Variants in SNORC observed in about 807,000 individuals in gnomAD.
SNORC encodes protein SNORC.
Under a neutral mutation model 9.7 loss-of-function variants are expected in SNORC, and 11 were observed. The ratio of observed to expected loss-of-function variants is 1.14; its 90% CI spans 0.72 to 1.88. SNORC has a LOEUF of 1.88. Ranked by LOEUF, SNORC falls within the 40% of genes most tolerant of loss-of-function variation. SNORC has a pLI of 0.00. For synonymous variants in SNORC, 108 were observed against 88.7 expected, an observed-to-expected ratio of 1.22 and a Z score of -1.22; for missense variants, 197 against 173.1, an observed-to-expected ratio of 1.14 and a Z score of -0.77.
chr2:232,876,475 CGAGCGCTCAGGGCGGGGGT>C, downstream of SNORC: 1 of 1,349,674 alleles, frequency 7.4e-7, no homozygotes, highest in African/African-American at 1.6e-5. This position sits in a 1 kb window ranked among gnomAD's most constrained non-coding sequence, Gnocchi z 6.8. Flanking sequence ...CGCGCGCAGG[CGAGCGCTCAGGGCGGGGGT>C]GCGCGCGGGG....
chr2:232,876,173 G>T lies in SNORC; in HGVS notation c.256+51G>T. 7.8e-7 allele frequency: 1 copy of T among 1,281,852 alleles called. No homozygotes were observed. Among genetic ancestry groups the T allele is most frequent in the Non-Finnish European group, 1.1e-6 (1 of 949,876 alleles). The allele number at this position is 1,281,852 out of a possible 1,614,324, so 79.4% of individuals were successfully genotyped here. On this transcript the variant is annotated intron_variant, in intron 2 of 2. Coordinates refer to ENST00000331342, the Ensembl canonical transcript of SNORC. This position sits in a 1 kb window ranked among gnomAD's most constrained non-coding sequence, Gnocchi z 6.8. ...GGAGAGGGAGAAATTAGGAGGGGCG[G>T]GGGGCGGGGGGCGCGGGGAGAAGGG...
upstream of SNORC, among the ~76,000 whole-genome samples, chr2:232,867,718 C>T (rs185117387): frequency 2.6e-3 from 400 of 152,324 alleles, 3 homozygotes; most frequent in African/African-American, 8.9e-3. Context: ...AGCCTGCCTC[C>T]CTCCCTATCA....
chr2:232,868,846 C>T (rs116747028), upstream of SNORC, among the ~76,000 whole-genome samples: 762 of 152,228 alleles, frequency 5.0e-3, 4 homozygotes, highest in Middle Eastern at 6.8e-3. Flanking sequence ...AGAATGTGGC[C>T]GGATCTAATG....
downstream of SNORC, chr2:232,876,664 C>A (rs1438757990): frequency 3.0e-6 from 3 of 1,010,252 alleles, no homozygotes; most frequent in South Asian, 1.4e-4. The surrounding 1 kb of genome is among the most constrained non-coding windows in gnomAD (Gnocchi z 6.8). Flanking sequence ...TCCCCGTGCA[C>A]CACGGCTGGA....
chr2:232,873,379 A>T (rs910414289), intron 1 of SNORC, among the ~76,000 whole-genome samples: 2 of 151,462 alleles, frequency 1.3e-5, no homozygotes, highest in African/African-American at 4.9e-5. Context: ...ACAGATGGGG[A>T]CAGGGCCTGA....
downstream of SNORC, chr2:232,876,460 G>A: frequency 1.5e-6 from 2 of 1,377,072 alleles, no homozygotes; most frequent in Non-Finnish European, 1.9e-6. The surrounding 1 kb of genome is among the most constrained non-coding windows in gnomAD (Gnocchi z 6.8). Context: ...GTGCCAGAGC[G>A]TGAGCGCGCG....
chr2:232,870,281 G>A, upstream of SNORC: 10 of 1,467,890 alleles, frequency 6.8e-6, no homozygotes, highest in Non-Finnish European at 7.4e-6. Context: ...TCACTGCCCT[G>A]AAGTTAACCA....
intron 1 of SNORC, 49 bp downstream of exon 1, chr2:232,870,463 G>A (rs1296375256): frequency 1.3e-6 from 2 of 1,509,098 alleles, no homozygotes; most frequent in South Asian, 2.4e-5. Flanking sequence ...TCCCAGGGCC[G>A]ATAACTACCT....
chr2:232,877,289 C>CTA (rs111230801), downstream of SNORC: 48 of 985,476 alleles, frequency 4.9e-5, 1 homozygote, highest in African/African-American at 7.0e-4. Context: ...ACTTCACCCT[C>CTA]AGAGAGTCGG....
At chr2:232,867,734 A>AT (rs1427761708), upstream of SNORC, among the ~76,000 whole-genome samples, 1 of 152,140 alleles carries the variant, frequency 6.6e-6, no homozygotes, top group Non-Finnish European at 1.5e-5. Flanking sequence ...TATCATCCAT[A>AT]TGTCACTTGA....
downstream of SNORC, chr2:232,877,360 A>G: frequency 1.0e-6 from 1 of 985,272 alleles, no homozygotes; most frequent in Non-Finnish European, 1.2e-6. Flanking sequence ...TTAGAGATGT[A>G]AACTTTGATC....
At chr2:232,870,202 G>T, upstream of SNORC, 3 of 750,524 alleles carry the variant, frequency 4.0e-6, no homozygotes, top group South Asian at 3.2e-5. Context: ...GGGAGGTGCG[G>T]GCACGATGTC....
chr2:232,869,456 C>T (rs1285339200), upstream of SNORC, among the ~76,000 whole-genome samples: 1 of 152,144 alleles, frequency 6.6e-6, no homozygotes, highest in East Asian at 1.9e-4. Context: ...AAAGAGACAC[C>T]TTTGATGACT....
chr2:232,876,741 G>A (rs1216741055), downstream of SNORC: 1 of 985,818 alleles, frequency 1.0e-6, no homozygotes, highest in Non-Finnish European at 1.2e-6. This position sits in a 1 kb window ranked among gnomAD's most constrained non-coding sequence, Gnocchi z 6.8. Context: ...GGGCATCGGA[G>A]CGGGTGTGCG....
At chr2:232,867,775 G>C (rs1210890367), upstream of SNORC, among the ~76,000 whole-genome samples, 1 of 152,202 alleles carries the variant, frequency 6.6e-6, no homozygotes, top group African/African-American at 2.4e-5. Flanking sequence ...GGTAAACACA[G>C]TGACATTTTG....
upstream of SNORC, among the ~76,000 whole-genome samples, chr2:232,867,923 A>G (rs1252292161): frequency 6.6e-6 from 1 of 152,190 alleles, no homozygotes. Flanking sequence ...AAGAAGATTC[A>G]TTGTCTGTAC....
chr2:232,870,405 G>T (rs1282181723), exon 1 of SNORC: 1 of 1,569,240 alleles, frequency 6.4e-7, no homozygotes, highest in Admixed American at 1.9e-5. Flanking sequence ...GGCCCCTGCG[G>T]TGCTCACAGG....
downstream of SNORC, chr2:232,876,681 C>G: frequency 1.0e-6 from 1 of 998,756 alleles, no homozygotes. The surrounding 1 kb of genome is among the most constrained non-coding windows in gnomAD (Gnocchi z 6.8). Flanking sequence ...TGGAGTGCCT[C>G]AGGAGCGCGC....
At position 232,876,314 on chromosome 2, in the gene SNORC, G is replaced by C. The variant is rs1178177374; in HGVS notation, c.324G>C (p.Leu108=). 3 of 1,549,742 alleles carry C rather than the reference G, an allele frequency of 1.9e-6. No individual in the cohort carries two copies. The highest frequency in any genetic ancestry group is 2.6e-6 in the Non-Finnish European group (3 of 1,151,602). ...CCCTGCTGGCCACCTGCGTGGTGCT[G>C]GCGCTCGTGGTCGTCGCGCTGAGAA... is the stretch of plus-strand genomic sequence containing the variant. Residue 108 remains leucine, a synonymous_variant, in exon 3 of 3, where the codon CTG becomes CTC. Coordinates refer to ENST00000331342, the Ensembl canonical transcript of SNORC. The surrounding 1 kb of genome is among the most constrained non-coding windows in gnomAD (Gnocchi z 6.8).
Sources: gnomAD v4.1 joint callset for allele counts (sites outside exome capture counted in the v4.1 genomes callset) on GRCh38, gnomAD v4.1.1 for gene constraint, Gnocchi (gnomAD v3.1) non-coding constraint, MANE v1.5 for transcripts, NCBI Gene and HGNC (gene_info 2026-07-23, HGNC 2026-07-21) for gene names.